SGPP2: variants seen among roughly 807,000 people sequenced by gnomAD.
SGPP2 encodes the protein sphingosine-1-phosphate phosphatase 2.
Under a neutral mutation model 33.9 loss-of-function variants are expected in SGPP2, and 30 were observed. The observed-to-expected ratio is 0.89, with a 90% CI of 0.66 to 1.20. The LOEUF is 1.20. Ranked by LOEUF, SGPP2 falls within the 50% of genes most tolerant of loss-of-function variation. SGPP2 has a pLI of 0.00. For synonymous variants in SGPP2, 233 were observed against 225.0 expected, an observed-to-expected ratio of 1.04 and a Z score of -0.32; for missense variants, 458 against 532.1, an observed-to-expected ratio of 0.86 and a Z score of 1.37.
intron 1 of SGPP2, among the ~76,000 whole-genome samples, chr2:222,443,041 G>C (rs541776928): frequency 1.3e-5 from 2 of 152,120 alleles, no homozygotes; most frequent in African/African-American, 4.8e-5. Context: ...AAATACCCAC[G>C]CTTGAAAATG....
intron 2 of SGPP2, among the ~76,000 whole-genome samples, chr2:222,499,891 G>C (rs532019993): frequency 1.5e-4 from 23 of 152,232 alleles, no homozygotes; most frequent in African/African-American, 5.5e-4. Context: ...AGGCAGAAGG[G>C]CCCAAAGAGT....
At chr2:222,488,748 G>A (rs1698152042) in intron 2 of SGPP2, among the ~76,000 whole-genome samples, 2 of 152,164 alleles carry the variant, frequency 1.3e-5, no homozygotes, top group African/African-American at 4.8e-5. Context: ...AGGGGGATGT[G>A]TGTGTGTGTA....
rs1312901173 is a variant in SGPP2, at chr2:222,560,974, G to C, written c.*2076G>C. 8.5e-5 allele frequency: 13 copies of C among 152,140 alleles called. No homozygotes were observed. Among genetic ancestry groups the C allele is most frequent in the Non-Finnish European group, 1.8e-4 (12 of 68,066 alleles). 9.4% of individuals were successfully genotyped at this position (152,140 alleles called of 1,614,324 possible). ...AAAAAAATTAGCCGGACGTGGTGGAGGGCGCCTGTAGTCCCAGCTACTCAG... is the reference window on the plus strand; with the variant it reads ...AAAAAAATTAGCCGGACGTGGTGGACGGCGCCTGTAGTCCCAGCTACTCAG... On this transcript the variant is annotated 3_prime_UTR_variant, in exon 5 of 5. Coordinates refer to ENST00000321276, the MANE Select transcript of SGPP2 (RefSeq NM_152386.4).
chr2:222,535,890 A>G (rs993439792), intron 4 of SGPP2, among the ~76,000 whole-genome samples: 1 of 152,228 alleles, frequency 6.6e-6, no homozygotes, highest in Non-Finnish European at 1.5e-5. Context: ...AGAAGTGCCA[A>G]TTAAATTCCA....
chr2:222,462,412 G>C (rs942977753), intron 1 of SGPP2, among the ~76,000 whole-genome samples: 2 of 152,122 alleles, frequency 1.3e-5, no homozygotes, highest in South Asian at 2.1e-4. Flanking sequence ...TCATGCTCAC[G>C]TCAACACTGG....
At chr2:222,431,858 C>G (rs1697162474) in intron 1 of SGPP2, among the ~76,000 whole-genome samples, 1 of 152,190 alleles carries the variant, frequency 6.6e-6, no homozygotes, top group African/African-American at 2.4e-5. Flanking sequence ...AAATTTAGCC[C>G]ATAGTCAGGG....
At chr2:222,486,069 T>G (rs915920883) in intron 2 of SGPP2, among the ~76,000 whole-genome samples, 1 of 152,188 alleles carries the variant, frequency 6.6e-6, no homozygotes, top group Non-Finnish European at 1.5e-5. Context: ...TTGACCTCCA[T>G]TCCTCTCTTG....
intron 1 of SGPP2, among the ~76,000 whole-genome samples, chr2:222,432,018 A>T (rs1697164761): frequency 6.6e-6 from 1 of 152,252 alleles, no homozygotes; most frequent in Non-Finnish European, 1.5e-5. Context: ...GGCTGCAGCC[A>T]GAGTTTTAGG....
At chr2:222,500,391 A>G (rs1698349680) in intron 2 of SGPP2, among the ~76,000 whole-genome samples, 1 of 152,132 alleles carries the variant, frequency 6.6e-6, no homozygotes, top group Admixed American at 6.5e-5. Flanking sequence ...AATGAGGAGT[A>G]AGTGGGGGTA....
chr2:222,515,056 C>T (rs765230916), intron 2 of SGPP2, among the ~76,000 whole-genome samples: 4 of 151,614 alleles, frequency 2.6e-5, no homozygotes, highest in Non-Finnish European at 5.9e-5. Flanking sequence ...CTTCAAATCT[C>T]TCTTCTGCCC....
At chr2:222,444,495 G>A (rs1485774496) in intron 1 of SGPP2, among the ~76,000 whole-genome samples, 2 of 152,218 alleles carry the variant, frequency 1.3e-5, no homozygotes, top group African/African-American at 2.4e-5. Flanking sequence ...TGGATACAAT[G>A]TGCCAGACTG....
intron 1 of SGPP2, among the ~76,000 whole-genome samples, chr2:222,440,633 G>A (rs560892911): frequency 1.2e-4 from 18 of 151,972 alleles, no homozygotes; most frequent in South Asian, 6.2e-4. Context: ...GAGCCACCAC[G>A]CCTGGCTGTT....
Position 222,562,581 on chromosome 2 carries a change from AC to A in SGPP2, c.*3684del, listed in dbSNP as rs557908343. On this transcript the variant is annotated 3_prime_UTR_variant, in exon 5 of 5. Transcript: ENST00000321276. Reference sequence around the variant, plus strand: ...TGTAAATTTATTCTTTTTAAAAATCACTTTTATTTGATTTTGACTTATTAAA... The same window carrying A: ...TGTAAATTTATTCTTTTTAAAAATCATTTTATTTGATTTTGACTTATTAAA... 1.5e-3 allele frequency among the ~76,000 whole-genome samples: 231 copies of A among 152,294 alleles called. 1 individual carries two copies. Among genetic ancestry groups the A allele is most frequent in the Admixed American group, 0.013 (200 of 15,300 alleles).
At chr2:222,485,999 AG>A (rs1162835009) in intron 2 of SGPP2, among the ~76,000 whole-genome samples, 1 of 152,220 alleles carries the variant, frequency 6.6e-6, no homozygotes, top group Non-Finnish European at 1.5e-5. Context: ...TCACCAGCAC[AG>A]GGTGGGGCTT....
intron 2 of SGPP2, among the ~76,000 whole-genome samples, chr2:222,498,833 C>T (rs1269063334): frequency 1.3e-5 from 2 of 152,230 alleles, no homozygotes; most frequent in African/African-American, 2.4e-5. Context: ...TGTTTGTGTA[C>T]AGGACTGACT....
At chr2:222,459,117 C>CT (rs1023109801) in intron 1 of SGPP2, among the ~76,000 whole-genome samples, 1 of 132,560 alleles carries the variant, frequency 7.5e-6, no homozygotes, top group African/African-American at 2.6e-5. Context: ...AAAAGACACA[C>CT]TTTTTTTTCT....
intron 1 of SGPP2, among the ~76,000 whole-genome samples, chr2:222,462,855 T>C (rs1171231769): frequency 1.3e-5 from 2 of 151,862 alleles, no homozygotes; most frequent in African/African-American, 4.8e-5. Context: ...CAAACAAAAA[T>C]TCTCAGAGCA....
At chr2:222,474,959 C>T (rs372676110) in intron 2 of SGPP2, among the ~76,000 whole-genome samples, 3 of 152,192 alleles carry the variant, frequency 2.0e-5, no homozygotes, top group African/African-American at 7.2e-5. Flanking sequence ...GCTGGTTGTC[C>T]TTTAATGATG....
At chr2:222,449,079 G>T (rs1429522796) in intron 1 of SGPP2, among the ~76,000 whole-genome samples, 1 of 152,212 alleles carries the variant, frequency 6.6e-6, no homozygotes, top group Non-Finnish European at 1.5e-5. Context: ...ATTTCCGTCT[G>T]TGGAGATTCC....
Sources: gnomAD v4.1 joint callset for allele counts (sites outside exome capture counted in the v4.1 genomes callset) on GRCh38, gnomAD v4.1.1 for gene constraint, MANE v1.5 for transcripts, NCBI Gene and HGNC (gene_info 2026-07-23, HGNC 2026-07-21) for gene names.